The following INTS9 variants were observed in gnomAD, a reference collection of about 807,000 sequenced individuals.
INTS9 encodes the protein protein related to CPSF subunits of 74 kDa.
A neutral mutation model predicts 79.7 loss-of-function variants in INTS9; 55 were observed. That is an observed-to-expected ratio of 0.69 (90% confidence interval 0.56 to 0.86). The LOEUF (loss-of-function observed/expected upper bound fraction) is 0.86, where lower values mean the gene tolerates loss of function less well. Ranked by LOEUF, INTS9 falls within the 40% of genes least tolerant of loss-of-function variation. The pLI is 0.00. For missense variants in INTS9, 721 were observed against 831.5 expected, an observed-to-expected ratio of 0.87 and a Z score of 1.64; for synonymous variants, 319 against 325.2, an observed-to-expected ratio of 0.98 and a Z score of 0.20.
chr8:28,860,439 A>G (rs1331477724), intron 1 of INTS9, among the ~76,000 whole-genome samples: 1 of 151,918 alleles, frequency 6.6e-6, no homozygotes, highest in Non-Finnish European at 1.5e-5. Context: ...AACAAAGGGA[A>G]CAGTGTGCTG....
intron 1 of INTS9, among the ~76,000 whole-genome samples, chr8:28,883,067 C>G (rs909121031): frequency 1.3e-5 from 2 of 152,214 alleles, no homozygotes; most frequent in African/African-American, 4.8e-5. Context: ...GTACCCCTTT[C>G]TTAGCCCTGC....
At chr8:28,782,953 C>G (rs1236639734) in intron 11 of INTS9, among the ~76,000 whole-genome samples, 1 of 152,068 alleles carries the variant, frequency 6.6e-6, no homozygotes, top group Non-Finnish European at 1.5e-5. Flanking sequence ...GGAGACCATC[C>G]TGGCTAACAT....
At chr8:28,786,549 T>C (rs1319022411) in intron 11 of INTS9, among the ~76,000 whole-genome samples, 1 of 152,022 alleles carries the variant, frequency 6.6e-6, no homozygotes, top group Non-Finnish European at 1.5e-5. Flanking sequence ...CACTTCAGCC[T>C]CCCAAAGTGT....
At chr8:28,845,216 T>A (rs1807438262) in intron 4 of INTS9, among the ~76,000 whole-genome samples, 1 of 152,204 alleles carries the variant, frequency 6.6e-6, no homozygotes, top group South Asian at 2.1e-4. Context: ...TACAAAGATA[T>A]TTAAGCTATT....
chr8:28,817,982 G>T (rs1364950509), intron 6 of INTS9, among the ~76,000 whole-genome samples: 5 of 147,972 alleles, frequency 3.4e-5, no homozygotes, highest in Non-Finnish European at 4.5e-5. Flanking sequence ...GAATGCTTGT[G>T]ATTTTTGTAC....
chr8:28,874,465 A>ATT (rs537482873), intron 1 of INTS9, among the ~76,000 whole-genome samples: 1 of 149,470 alleles, frequency 6.7e-6, no homozygotes, highest in Non-Finnish European at 1.5e-5. Context: ...AATTTTTTGT[A>ATT]TTTTTTTTTA....
At chr8:28,884,324 C>T (rs1259074698) in intron 1 of INTS9, among the ~76,000 whole-genome samples, 2 of 151,614 alleles carry the variant, frequency 1.3e-5, no homozygotes, top group Non-Finnish European at 2.9e-5. Context: ...GCTGGGACTA[C>T]GGGCACAAGA....
chr8:28,789,882 A>ACCAG (rs1803826036), intron 10 of INTS9, among the ~76,000 whole-genome samples: 1 of 37,656 alleles, frequency 2.7e-5, no homozygotes, highest in Non-Finnish European at 1.2e-4. Flanking sequence ...TGTCTCAAAA[A>ACCAG]CCAACCAACC....
chr8:28,773,320 T>C (rs936615244), intron 14 of INTS9, among the ~76,000 whole-genome samples: 1 of 151,252 alleles, frequency 6.6e-6, no homozygotes, highest in Admixed American at 6.6e-5. Context: ...AAAAATTAGC[T>C]GGGCATGGTG....
intron 1 of INTS9, among the ~76,000 whole-genome samples, chr8:28,881,748 T>G (rs1809835813): frequency 6.9e-6 from 1 of 144,114 alleles, no homozygotes; most frequent in Admixed American, 6.8e-5. Flanking sequence ...GTCCGGGAGG[T>G]GAGGGGCGCC....
At chr8:28,771,489 G>T (rs1802537599) in intron 14 of INTS9, among the ~76,000 whole-genome samples, 1 of 152,134 alleles carries the variant, frequency 6.6e-6, no homozygotes, top group Non-Finnish European at 1.5e-5. Context: ...CTGTTGCTGG[G>T]TTTAGCTGCA....
chr8:28,784,280 A>G (rs1803462084), intron 11 of INTS9, among the ~76,000 whole-genome samples: 1 of 152,234 alleles, frequency 6.6e-6, no homozygotes, highest in South Asian at 2.1e-4. Flanking sequence ...TGAGAATGTG[A>G]TCACACTCCT....
At position 28,850,222 on chromosome 8, in the gene INTS9, G is replaced by A. The variant is rs138508020; in HGVS notation, c.189C>T (p.Phe63=). The change falls in exon 3 of 17, where the codon TTC becomes TTT. Residue 63 remains phenylalanine, a synonymous_variant. Coordinates refer to ENST00000521022, the MANE Select transcript of INTS9 (RefSeq NM_018250.4). ...TAGTCTTAGATATTACCTTGTCCAA[G>A]AAAGCATTTCCATCCTTCAGGGACC... The part of the protein sequence containing the change: ...PGWSLKDGNA[F]LDKELKECSG... 6.9e-3 allele frequency: 11,120 copies of A among 1,613,284 alleles called. 45 individuals are homozygous for A. Among genetic ancestry groups the A allele is most frequent in the Non-Finnish European group, 8.0e-3 (9,473 of 1,179,324 alleles).
rs115597574 is a variant in INTS9, at chr8:28,801,983, G to C, written c.745-5328C>G. On this transcript the variant is annotated intron_variant, in intron 8 of 16. Transcript: ENST00000521022. ...ATTCCCCTGACCTTCAAAGGGAAAA[G>C]GATCATGAAGTACAGGTGTGGGAAT... Among the ~76,000 whole-genome samples the C allele has an allele frequency of 6.3e-3, 965 of 152,250 alleles. 6 individuals are homozygous for C. The highest frequency in any genetic ancestry group is 0.022 in the African/African-American group (931 of 41,536).
chr8:28,878,407 G>A (rs1293422958), intron 1 of INTS9, among the ~76,000 whole-genome samples: 2 of 151,780 alleles, frequency 1.3e-5, no homozygotes, highest in African/African-American at 2.4e-5. Flanking sequence ...CGACCTCCTG[G>A]GCTCAAGTGG....
chr8:28,768,339 G>GAAAGA lies in INTS9; in HGVS notation c.1801-22_1801-18dup. On this transcript the variant is annotated splice_polypyrimidine_tract_variant and intron_variant, in intron 16 of 16. Transcript: ENST00000521022. ...GAAGCCATGCTGCTCCAGAAGAAAA[G>GAAAGA]AAAGAGGTGGGCTGGGCAGACTGCA... 1 of 1,611,048 alleles carries GAAAGA rather than the reference G, an allele frequency of 6.2e-7. No homozygotes were observed. The highest frequency in any genetic ancestry group is 8.5e-7 in the Non-Finnish European group (1 of 1,179,630).
intron 8 of INTS9, among the ~76,000 whole-genome samples, chr8:28,805,095 G>A (rs1352816708): frequency 6.6e-6 from 1 of 152,124 alleles, no homozygotes; most frequent in Non-Finnish European, 1.5e-5. Context: ...TTAAGTTAAA[G>A]GAAATTGGAA....
At chr8:28,774,931 C>T (rs1015897207) in intron 14 of INTS9, among the ~76,000 whole-genome samples, 1 of 152,128 alleles carries the variant, frequency 6.6e-6, no homozygotes, top group Non-Finnish European at 1.5e-5. Context: ...TGGCTCTTTC[C>T]CTGCTAAAAC....
chr8:28,780,869 G>C lies in INTS9; in HGVS notation c.1224C>G (p.Phe408Leu), dbSNP rs1000238374. Reference sequence around the variant, plus strand: ...GACTAGATTTTCCCCAGAGCTCCATGAAGTGGACCACGTCCCCGAAGCGGA... The same window carrying C: ...GACTAGATTTTCCCCAGAGCTCCATCAAGTGGACCACGTCCCCGAAGCGGA... ...PSLRFGDVVH[F>L]MELWGKSSLN... Residue 408 changes from phenylalanine to leucine, a missense_variant, in exon 12 of 17, where the codon TTC becomes TTG. Phe to Leu is a conservative substitution (Grantham distance 22). Transcript: ENST00000521022. 48 of 1,614,054 alleles carry C rather than the reference G, an allele frequency of 3.0e-5. No individual in the cohort carries two copies. The highest frequency in any genetic ancestry group is 4.0e-5 in the Non-Finnish European group (47 of 1,180,038).
Sources: gnomAD v4.1 joint callset for allele counts (sites outside exome capture counted in the v4.1 genomes callset) on GRCh38, gnomAD v4.1.1 for gene constraint, MANE v1.5 for transcripts, NCBI Gene and HGNC (gene_info 2026-07-23, HGNC 2026-07-21) for gene names.